Variants in VCPIP1 observed in about 807,000 individuals in gnomAD.
VCPIP1 encodes the protein deubiquitinating protein VCPIP1.
Under a neutral mutation model 85.0 loss-of-function variants are expected in VCPIP1, and 8 were observed. That is an observed-to-expected ratio of 0.09 (90% CI 0.06 to 0.17). VCPIP1 has a LOEUF of 0.17. VCPIP1 is among the 10% of genes least tolerant of loss of function. The pLI, the probability that VCPIP1 is intolerant of heterozygous loss-of-function variation, is 1.00. For synonymous variants in VCPIP1, 543 were observed against 544.5 expected (o/e 1.00, Z 0.04); for missense variants, 1,070 against 1,486.3 (o/e 0.72, Z 4.61).
At position 66,664,719 on chromosome 8, in the gene VCPIP1, G is replaced by T; in HGVS notation, c.2240C>A (p.Ser747Tyr). 1 of 1,613,812 alleles carries T rather than the reference G, an allele frequency of 6.2e-7. No individual in the cohort carries two copies. Among genetic ancestry groups the T allele is most frequent in the South Asian group, 1.1e-5 (1 of 91,062 alleles). Residue 747 changes from serine (S) to tyrosine (Y), a missense_variant, in exon 1 of 3, where the codon TCT becomes TAT. Transcript: ENST00000310421. Reference protein sequence around the residue: ...QEQKGQPRTVSPSTIRDGPSS... With the variant: ...QEQKGQPRTVYPSTIRDGPSS... ...TGGACCATCACGAATGGTACTGGGA[G>T]AAACAGTCCTGGGTTGCCCTTTTTG...
Position 66,635,199 on chromosome 8 carries a change from T to C in VCPIP1, c.2971A>G (p.Thr991Ala), listed in dbSNP as rs890613688. The change falls in exon 3 of 3, where the codon ACT (threonine) becomes GCT (alanine). Residue 991 changes from threonine (T) to alanine (A), a missense_variant. Thr to Ala is a moderately conservative substitution (Grantham distance 58). This residue lies in a region of VCPIP1 where 255 missense variants were observed against 289.5 expected (regional missense o/e 0.88). Coordinates refer to ENST00000310421, the MANE Select transcript of VCPIP1 (RefSeq NM_025054.5). ...EAVSQVRAEA[T>A]TRSRESSPSH... ...GGACTTGATTCCCTACTTCTTGTAG[T>C]AGCCTCTGCTCGAACCTGACTTACA... is the stretch of plus-strand genomic sequence containing the variant. 5.0e-6 allele frequency: 8 copies of C among 1,614,078 alleles called. No individual in the cohort carries two copies. The highest frequency in any genetic ancestry group is 1.3e-5 in the African/African-American group (1 of 74,922).
rs758625387 is a variant in VCPIP1 at position 66,664,896 on chromosome 8, A to G, written c.2063T>C (p.Leu688Pro). ...DVQGQESESQLPTKIILTGQK... is the reference protein window; with the variant it reads ...DVQGQESESQPPTKIILTGQK... ...TCCAGTAAGAATAATTTTAGTTGGGAGCTGAGACTCTGATTCTTGTCCTTG... is the reference window on the plus strand; with the variant it reads ...TCCAGTAAGAATAATTTTAGTTGGGGGCTGAGACTCTGATTCTTGTCCTTG... The change falls in exon 1 of 3, where the codon CTC (leucine) becomes CCC (proline). Residue 688 changes from leucine to proline, a missense_variant. Leu to Pro is a moderately conservative substitution (Grantham distance 98). Coordinates refer to ENST00000310421, the MANE Select transcript of VCPIP1 (RefSeq NM_025054.5). The G allele has an allele frequency of 8.7e-6, 14 of 1,614,038 alleles. No individual in the cohort carries two copies. Among genetic ancestry groups the G allele is most frequent in the Non-Finnish European group, 7.6e-6 (9 of 1,180,044 alleles).
Position 66,633,907 on chromosome 8 carries a change from C to A in VCPIP1, c.*594G>T, listed in dbSNP as rs1473448061. On this transcript the variant is annotated 3_prime_UTR_variant, in exon 3 of 3. Transcript: ENST00000310421. ...GAAGAAATTTTTCCCCAATCTTGCA[C>A]AAATCAGCAAAATGTTATATCGTTA... is the stretch of plus-strand genomic sequence containing the variant. 2.6e-5 allele frequency: 4 copies of A among 152,168 alleles called. No individual in the cohort carries two copies. Among genetic ancestry groups the A allele is most frequent in the Non-Finnish European group, 1.5e-5 (1 of 68,042 alleles). 9.4% of individuals were successfully genotyped at this position (152,168 alleles called of 1,614,324 possible).
At chr8:66,643,627 C>T (rs1464017475) in intron 2 of VCPIP1, among the ~76,000 whole-genome samples, 1 of 151,756 alleles carries the variant, frequency 6.6e-6, no homozygotes, top group African/African-American at 2.4e-5. Flanking sequence ...TGCTTGAATC[C>T]GGGAGGCGGA....
At chr8:66,639,449 G>C (rs547123164) in intron 2 of VCPIP1, among the ~76,000 whole-genome samples, 8 of 142,492 alleles carry the variant, frequency 5.6e-5, no homozygotes, top group Non-Finnish European at 1.1e-4. Context: ...CCTCCTCCCA[G>C]GTTCAAGCGA....
chr8:66,641,611 C>CTCT (rs1182323188), intron 2 of VCPIP1, among the ~76,000 whole-genome samples: 2 of 152,206 alleles, frequency 1.3e-5, no homozygotes, highest in African/African-American at 2.4e-5. Flanking sequence ...CAGTCATTCC[C>CTCT]TCTACCTCAT....
Position 66,666,413 on chromosome 8 carries a change from C to T in VCPIP1, c.546G>A (p.Lys182=). Residue 182 remains lysine (K), a synonymous_variant, in exon 1 of 3, where the codon AAG becomes AAA. Coordinates refer to ENST00000310421, the MANE Select transcript of VCPIP1 (RefSeq NM_025054.5). This position sits in a 1 kb window ranked among gnomAD's most constrained non-coding sequence, Gnocchi z 6.3. ...PEHVNTVGYG[K]DRSGSLLYLH... is the part of the protein sequence containing the mutation. ...AATACAGGAGGCTTCCGGAGCGGTC[C>T]TTGCCATAGCCCACAGTGTTAACAT... 6.2e-7 allele frequency: 1 copy of T among 1,614,140 alleles called. No homozygotes were observed. Among genetic ancestry groups the T allele is most frequent in the Non-Finnish European group, 8.5e-7 (1 of 1,180,026 alleles).
intron 1 of VCPIP1, among the ~76,000 whole-genome samples, chr8:66,656,189 A>G (rs1811098322): frequency 6.6e-6 from 1 of 152,080 alleles, no homozygotes; most frequent in Non-Finnish European, 1.5e-5. Context: ...TAATTTTTAA[A>G]TTTTAGGTAT....
At chr8:66,638,936 T>TTCTCTCTCTCTC (rs750894538) in intron 2 of VCPIP1, among the ~76,000 whole-genome samples, 39 of 131,640 alleles carry the variant, frequency 3.0e-4, no homozygotes, top group African/African-American at 6.6e-4. Flanking sequence ...CAAGAAAACT[T>TTCTCTCTCTCTC]TCTCTCTCTC....
chr8:66,654,942 T>C (rs1010023596), intron 1 of VCPIP1, among the ~76,000 whole-genome samples: 12 of 152,228 alleles, frequency 7.9e-5, no homozygotes, highest in African/African-American at 2.4e-4. Context: ...TCTGACATCA[T>C]ACCATACCCT....
Position 66,665,002 on chromosome 8 carries a change from G to A in VCPIP1, c.1957C>T (p.His653Tyr). The change falls in exon 1 of 3, where the codon CAT becomes TAT. Residue 653 changes from histidine to tyrosine, a missense_variant. By Grantham distance (83) the His-to-Tyr change is moderately conservative. Transcript: ENST00000310421. The surrounding 1 kb of genome is among the most constrained non-coding windows in gnomAD (Gnocchi z 4.3). ...LVQKVVHTIL[H>Y]QTAKKNPDDY... ...TCGGGATTCTTTTTGGCAGTCTGATGCAATATAGTGTGGACAACTTTCTGA... is the reference window on the plus strand; with the variant it reads ...TCGGGATTCTTTTTGGCAGTCTGATACAATATAGTGTGGACAACTTTCTGA... 6.2e-7 allele frequency: 1 copy of A among 1,613,648 alleles called. No individual in the cohort carries two copies. Among genetic ancestry groups the A allele is most frequent in the Non-Finnish European group, 8.5e-7 (1 of 1,179,694 alleles).
rs558838552 is a variant in VCPIP1, at chr8:66,636,657, T to C, written c.2798-1285A>G. Among the ~76,000 whole-genome samples the C allele has an allele frequency of 3.4e-4, 51 of 151,890 alleles. 1 individual carries two copies. In the South Asian group the frequency reaches 9.8e-3, roughly 29 times the overall value. ...ACTCAGGAGGCTGAGGCAGGGAGAA[T>C]TGCTTGAACCCAGGAGGTGGAGGTT... On this transcript the variant is annotated intron_variant, in intron 2 of 2. Coordinates refer to ENST00000310421, the MANE Select transcript of VCPIP1 (RefSeq NM_025054.5).
chr8:66,637,824 T>C (rs1321845596), intron 2 of VCPIP1, among the ~76,000 whole-genome samples: 3 of 151,600 alleles, frequency 2.0e-5, no homozygotes, highest in Non-Finnish European at 2.9e-5. Flanking sequence ...AAAAAAAAAT[T>C]AGCCAGGCGT....
rs1192138493 is a variant in VCPIP1, at chr8:66,628,717, A to T, written c.*5784T>A. On this transcript the variant is annotated 3_prime_UTR_variant, in exon 3 of 3. Coordinates refer to ENST00000310421, the MANE Select transcript of VCPIP1 (RefSeq NM_025054.5). ...TCAAGTCCAAGTTTGGGATAACTGT[A>T]GCCAACACCTAAAGGAAAGGTAATT... 1 of 152,244 alleles carries T rather than the reference A, an allele frequency of 6.6e-6. No homozygotes were observed. Among genetic ancestry groups the T allele is most frequent in the Non-Finnish European group, 1.5e-5 (1 of 68,030 alleles). The allele number at this position is 152,244 out of a possible 1,614,324, so 9.4% of individuals were successfully genotyped here. A position where few individuals can be genotyped will look rare whatever the true frequency, so the allele number is the denominator to read the frequency against.
At chr8:66,639,000 G>A (rs999129407) in intron 2 of VCPIP1, among the ~76,000 whole-genome samples, 1 of 128,100 alleles carries the variant, frequency 7.8e-6, no homozygotes, top group Non-Finnish European at 1.6e-5. Context: ...ATATTTTGTG[G>A]GGGACAGGGT....
At position 66,628,700 on chromosome 8, in the gene VCPIP1, A is replaced by C. The variant is rs1203387439; in HGVS notation, c.*5801T>G. ...CATGCATATACAAGACCTCAAGTCCAAGTTTGGGATAACTGTAGCCAACAC... is the reference window on the plus strand; with the variant it reads ...CATGCATATACAAGACCTCAAGTCCCAGTTTGGGATAACTGTAGCCAACAC... On this transcript the variant is annotated 3_prime_UTR_variant, in exon 3 of 3. Transcript: ENST00000310421. The C allele has an allele frequency of 6.6e-6, 1 of 152,240 alleles. No individual in the cohort carries two copies. Among genetic ancestry groups the C allele is most frequent in the Non-Finnish European group, 1.5e-5 (1 of 68,038 alleles). The allele number at this position is 152,240 out of a possible 1,614,324, so 9.4% of individuals were successfully genotyped here.
chr8:66,664,034 T>C (rs1026795629), intron 1 of VCPIP1, among the ~76,000 whole-genome samples: 11 of 152,192 alleles, frequency 7.2e-5, no homozygotes, highest in Admixed American at 7.2e-4. Flanking sequence ...TGACTATTAT[T>C]GAGGGACTAC....
At chr8:66,648,383 A>G (rs1189188521) in intron 2 of VCPIP1, among the ~76,000 whole-genome samples, 1 of 152,186 alleles carries the variant, frequency 6.6e-6, no homozygotes, top group African/African-American at 2.4e-5. Flanking sequence ...GTGCTCCAAT[A>G]AAACTGTCTG....
At position 66,666,207 on chromosome 8, in the gene VCPIP1, G is replaced by A; in HGVS notation, c.752C>T (p.Ala251Val). Residue 251 changes from alanine to valine, a missense_variant, in exon 1 of 3, where the codon GCC (alanine) becomes GTC (valine). Coordinates refer to ENST00000310421, the MANE Select transcript of VCPIP1 (RefSeq NM_025054.5). The surrounding 1 kb of genome is among the most constrained non-coding windows in gnomAD (Gnocchi z 6.3). ...GTCATGGAACAGAGCTTGATATCGG[G>A]CCAGGTGCTGCTGAAAGTGCTGTTT... ...NLKQHFQQHLARYQALFHDFI... is the reference protein window; with the variant it reads ...NLKQHFQQHLVRYQALFHDFI... The A allele has an allele frequency of 6.2e-7, 1 of 1,613,882 alleles. No individual in the cohort carries two copies. The highest frequency in any genetic ancestry group is 1.3e-5 in the African/African-American group (1 of 75,000).
Sources: allele counts gnomAD v4.1 joint callset (sites outside exome capture counted in the v4.1 genomes callset), GRCh38; gene constraint gnomAD v4.1.1; regional missense constraint gnomAD v4.1.1; non-coding constraint Gnocchi (gnomAD v3.1); transcripts MANE v1.5; gene names NCBI Gene and HGNC (gene_info 2026-07-23, HGNC 2026-07-21).